Variants in KIAA1217 observed in about 807,000 individuals in gnomAD.
The protein encoded by KIAA1217 is sickle tail protein homolog.
Under a neutral mutation model 163.9 loss-of-function variants are expected in KIAA1217, and 88 were observed. The observed-to-expected ratio is 0.54, with a 90% CI of 0.45 to 0.64. KIAA1217 has a LOEUF of 0.64. KIAA1217 is among the 30% of genes least tolerant of loss of function. KIAA1217 has a pLI of 0.00. For missense variants in KIAA1217, 2,372 were observed against 2,475.0 expected (o/e 0.96, Z 0.88); for synonymous variants, 903 against 923.1 (o/e 0.98, Z 0.39).
At chr10:24,519,628 G>A (rs923456766) in intron 10 of KIAA1217, among the ~76,000 whole-genome samples, 2 of 152,154 alleles carry the variant, frequency 1.3e-5, no homozygotes, top group Middle Eastern at 3.2e-3. Context: ...ATCGTACCGT[G>A]CAGTTTCCCC....
At chr10:24,378,652 A>G (rs536326547) in intron 2 of KIAA1217, among the ~76,000 whole-genome samples, 1 of 151,038 alleles carries the variant, frequency 6.6e-6, no homozygotes, top group South Asian at 2.1e-4. Context: ...TTTTTCCAGC[A>G]TATCAGATCA....
In KIAA1217 at chr10:24,385,810, T is replaced by G. The variant is rs545509745; in HGVS notation, c.553+4743T>G. Among the ~76,000 whole-genome samples, 7 of 152,328 alleles carry G rather than the reference T, an allele frequency of 4.6e-5. No homozygotes were observed. In the South Asian group the frequency reaches 1.4e-3, roughly 32 times the overall value. ...ACTAAAAAGTAAAGTGAAAACCGCCTTCCAATAGAATTTGGTTGCAGAAAT... is the reference window on the plus strand; with the variant it reads ...ACTAAAAAGTAAAGTGAAAACCGCCGTCCAATAGAATTTGGTTGCAGAAAT... On this transcript the variant is annotated intron_variant, in intron 3 of 20. Transcript: ENST00000376454.
intron 1 of KIAA1217, among the ~76,000 whole-genome samples, chr10:23,976,718 T>C (rs1432955598): frequency 6.6e-6 from 1 of 152,172 alleles, no homozygotes; most frequent in Admixed American, 6.5e-5. Flanking sequence ...TTCAAAGACA[T>C]TCTGTATTCT....
chr10:24,229,553 T>C (rs1255137642), intron 2 of KIAA1217, among the ~76,000 whole-genome samples: 3 of 152,236 alleles, frequency 2.0e-5, no homozygotes, highest in Non-Finnish European at 4.4e-5. Context: ...AGTCTTGCAC[T>C]GTTACCCAGG....
intron 1 of KIAA1217, among the ~76,000 whole-genome samples, chr10:23,950,004 A>G (rs376194022): frequency 6.6e-6 from 1 of 152,182 alleles, no homozygotes; most frequent in African/African-American, 2.4e-5. Context: ...TGATTTTATC[A>G]TCTCAAGCGT....
chr10:24,189,957 G>T (rs1169335838), intron 2 of KIAA1217, among the ~76,000 whole-genome samples: 1 of 151,800 alleles, frequency 6.6e-6, no homozygotes, highest in East Asian at 1.9e-4. Context: ...GGAGTTCAAG[G>T]CTGCAGTGAG....
At chr10:24,110,426 A>T (rs1297946555) in intron 2 of KIAA1217, among the ~76,000 whole-genome samples, 2 of 152,204 alleles carry the variant, frequency 1.3e-5, no homozygotes, top group Admixed American at 6.5e-5. Context: ...TGTTATGATT[A>T]AACAACAAAA....
intron 2 of KIAA1217, among the ~76,000 whole-genome samples, chr10:24,259,338 A>T (rs969003892): frequency 1.3e-5 from 2 of 152,280 alleles, no homozygotes; most frequent in South Asian, 4.1e-4. Flanking sequence ...TGCTGGCCAG[A>T]TGTGGTTCAT....
chr10:23,720,964 C>A (rs1837848511), intron 1 of KIAA1217, among the ~76,000 whole-genome samples: 1 of 152,092 alleles, frequency 6.6e-6, no homozygotes. Context: ...TCCACTGACA[C>A]CTTTGTAACT....
intron 2 of KIAA1217, among the ~76,000 whole-genome samples, chr10:24,314,162 T>C (rs1330107518): frequency 6.6e-6 from 1 of 152,144 alleles, no homozygotes; most frequent in Non-Finnish European, 1.5e-5. Context: ...TACCTGTTAT[T>C]CTGTACCTTC....
chr10:24,221,173 C>A (rs1004341780), intron 2 of KIAA1217, among the ~76,000 whole-genome samples: 1 of 152,132 alleles, frequency 6.6e-6, no homozygotes, highest in African/African-American at 2.4e-5. Flanking sequence ...ATAGACATTA[C>A]CCAACTGTGG....
chr10:24,168,470 T>C (rs959794849), intron 2 of KIAA1217, among the ~76,000 whole-genome samples: 1 of 152,182 alleles, frequency 6.6e-6, no homozygotes, highest in African/African-American at 2.4e-5. Context: ...AGCAGAACAT[T>C]TCCTCTGTGC....
chr10:24,038,331 G>C (rs1848482836), intron 2 of KIAA1217, among the ~76,000 whole-genome samples: 1 of 152,178 alleles, frequency 6.6e-6, no homozygotes, highest in Admixed American at 6.5e-5. Context: ...GGATGAACCA[G>C]CTTTACTTAA....
intron 1 of KIAA1217, among the ~76,000 whole-genome samples, chr10:23,993,573 T>TTTTTTTTTTTTTC (rs1185080887): frequency 7.0e-6 from 1 of 142,204 alleles, no homozygotes; most frequent in African/African-American, 2.7e-5. Context: ...TTTTTTTTTT[T>TTTTTTTTTTTTTC]GAGACAGAGT....
intron 2 of KIAA1217, among the ~76,000 whole-genome samples, chr10:24,253,276 T>C (rs1410927057): frequency 6.6e-6 from 1 of 152,174 alleles, no homozygotes; most frequent in Non-Finnish European, 1.5e-5. Context: ...GCACTATTAT[T>C]CATGGAAGTC....
At chr10:24,523,293 GC>G (rs1315554268) in intron 12 of KIAA1217, among the ~76,000 whole-genome samples, 2 of 152,186 alleles carry the variant, frequency 1.3e-5, no homozygotes, top group African/African-American at 4.8e-5. Flanking sequence ...CTGCACTCCA[GC>G]CTGGGCAACA....
chr10:24,061,186 T>A lies in KIAA1217; in HGVS notation c.-171+53812T>A, dbSNP rs182419581. Among the ~76,000 whole-genome samples, 511 of 152,288 alleles carry A rather than the reference T, an allele frequency of 3.4e-3. 2 individuals carry two copies. Among genetic ancestry groups the A allele is most frequent in the African/African-American group, 0.012 (491 of 41,568 alleles). ...CTTCTGTAGGTATTTTCTTTGTGGTTACCATGAGGTTTACATAAAATATTT... is the reference window on the plus strand; with the variant it reads ...CTTCTGTAGGTATTTTCTTTGTGGTAACCATGAGGTTTACATAAAATATTT... On this transcript the variant is annotated intron_variant, in intron 2 of 18. Coordinates refer to the KIAA1217 transcript ENST00000376462.
At chr10:23,841,200 A>C (rs1272760758) in intron 1 of KIAA1217, among the ~76,000 whole-genome samples, 2 of 152,214 alleles carry the variant, frequency 1.3e-5, no homozygotes, top group Non-Finnish European at 2.9e-5. Context: ...TTTCTATGAA[A>C]AAGTGATGTT....
chr10:23,910,917 T>A (rs970541890), intron 1 of KIAA1217, among the ~76,000 whole-genome samples: 1 of 152,156 alleles, frequency 6.6e-6, no homozygotes, highest in African/African-American at 2.4e-5. Context: ...GATCTACTGA[T>A]CTGCACCCAT....
Sources: gnomAD v4.1 joint callset for allele counts (sites outside exome capture counted in the v4.1 genomes callset) on GRCh38, gnomAD v4.1.1 for gene constraint, MANE v1.5 for transcripts, NCBI Gene and HGNC (gene_info 2026-07-23, HGNC 2026-07-21) for gene names.